Variants in ELOVL6 observed in about 807,000 individuals in gnomAD.
ELOVL6 encodes ELOVL fatty acid elongase 6.
In ELOVL6, 8 loss-of-function variants were observed where a neutral mutation model predicts 31.7. The ratio of observed to expected loss-of-function variants is 0.25; its 90% CI spans 0.15 to 0.45. ELOVL6 has a LOEUF of 0.45. ELOVL6 is among the 20% of genes least tolerant of loss of function. The pLI, the probability that ELOVL6 is intolerant of heterozygous loss-of-function variation, is 1.00. For missense variants in ELOVL6, 126 were observed against 326.4 expected (o/e 0.39, Z 4.73); for synonymous variants, 101 against 117.7 (o/e 0.86, Z 0.92).
chr4:110,139,104 GTAT>G (rs1268953050), intron 1 of ELOVL6, among the ~76,000 whole-genome samples: 1 of 152,030 alleles, frequency 6.6e-6, no homozygotes, highest in Non-Finnish European at 1.5e-5. Flanking sequence ...GAAAAAAGTG[GTAT>G]TATGGGGGAT....
chr4:110,154,732 G>A (rs1217165045), intron 1 of ELOVL6, among the ~76,000 whole-genome samples: 2 of 152,178 alleles, frequency 1.3e-5, no homozygotes, highest in African/African-American at 2.4e-5. Flanking sequence ...TCCCCACTGA[G>A]TTGAGAAGAT....
chr4:110,157,880 G>C (rs1191683639), intron 1 of ELOVL6, among the ~76,000 whole-genome samples: 1 of 152,018 alleles, frequency 6.6e-6, no homozygotes, highest in Non-Finnish European at 1.5e-5. Context: ...ATTAAAAGTA[G>C]GAAATATATA....
At chr4:110,098,667 T>A (rs1353013268) in intron 2 of ELOVL6, among the ~76,000 whole-genome samples, 3 of 152,116 alleles carry the variant, frequency 2.0e-5, no homozygotes, top group African/African-American at 7.2e-5. Flanking sequence ...TATTAACGAG[T>A]TTTTAAAATT....
At chr4:110,115,489 A>G (rs1465525983) in intron 1 of ELOVL6, among the ~76,000 whole-genome samples, 1 of 152,188 alleles carries the variant, frequency 6.6e-6, no homozygotes, top group Non-Finnish European at 1.5e-5. Flanking sequence ...CATGCCTGTA[A>G]TCCCAGCATT....
chr4:110,093,905 T>A (rs572064376), intron 2 of ELOVL6, among the ~76,000 whole-genome samples: 1 of 152,086 alleles, frequency 6.6e-6, no homozygotes, highest in South Asian at 2.1e-4. Flanking sequence ...GAAGGTCTCA[T>A]CAAGGCCAAA....
intron 1 of ELOVL6, among the ~76,000 whole-genome samples, chr4:110,196,880 C>G (rs1196074111): frequency 1.3e-5 from 2 of 152,134 alleles, no homozygotes; most frequent in Non-Finnish European, 2.9e-5. Flanking sequence ...CGCGCTCCGG[C>G]CGGGCGGGAG....
At chr4:110,060,684 T>A (rs1449266768) in intron 2 of ELOVL6, among the ~76,000 whole-genome samples, 2 of 152,104 alleles carry the variant, frequency 1.3e-5, no homozygotes, top group Non-Finnish European at 2.9e-5. Flanking sequence ...TAAGTGTATG[T>A]CCCAGAGTGT....
intron 1 of ELOVL6, among the ~76,000 whole-genome samples, chr4:110,130,107 A>G (rs1757626696): frequency 6.6e-6 from 1 of 152,036 alleles, no homozygotes; most frequent in Non-Finnish European, 1.5e-5. Context: ...CATGTTGGCC[A>G]GGATGGTCTT....
At chr4:110,186,888 T>C (rs1382105299) in intron 1 of ELOVL6, among the ~76,000 whole-genome samples, 1 of 144,058 alleles carries the variant, frequency 6.9e-6, no homozygotes, top group African/African-American at 2.5e-5. Context: ...TACACATATA[T>C]ATATACATAT....
chr4:110,102,738 T>A (rs900598859), intron 2 of ELOVL6, among the ~76,000 whole-genome samples: 9 of 152,088 alleles, frequency 5.9e-5, no homozygotes, highest in African/African-American at 1.7e-4. Flanking sequence ...CTGGCTTTTT[T>A]AAAGACTTAA....
At chr4:110,105,701 C>T in intron 1 of ELOVL6, 73 bp from the exon 2 acceptor site, 1 of 1,414,540 alleles carries the variant, frequency 7.1e-7, no homozygotes, top group South Asian at 1.2e-5. Flanking sequence ...ACCAGTTCTC[C>T]TCTTTGTAAG....
chr4:110,102,343 A>C (rs1318265675), intron 2 of ELOVL6, among the ~76,000 whole-genome samples: 1 of 152,356 alleles, frequency 6.6e-6, no homozygotes, highest in South Asian at 2.1e-4. Context: ...CTGCATGTGC[A>C]TTGCAGGATA....
intron 1 of ELOVL6, among the ~76,000 whole-genome samples, chr4:110,147,894 C>T (rs1449548359): frequency 6.6e-6 from 1 of 151,848 alleles, no homozygotes; most frequent in Non-Finnish European, 1.5e-5. Flanking sequence ...GTGGGTGGAT[C>T]ACCTGAGGTC....
chr4:110,186,822 A>T (rs10006651), intron 1 of ELOVL6, among the ~76,000 whole-genome samples: 18,345 of 58,568 alleles, frequency 0.31, 2,648 homozygotes, highest in Non-Finnish European at 0.34. Flanking sequence ...AAAAAAAAAA[A>T]ATATATATAT....
chr4:110,185,205 C>T (rs1175304224), intron 1 of ELOVL6, among the ~76,000 whole-genome samples: 1 of 152,160 alleles, frequency 6.6e-6, no homozygotes, highest in Admixed American at 6.5e-5. Context: ...TCACAAAATA[C>T]AGGTTCAAAA....
intron 2 of ELOVL6, among the ~76,000 whole-genome samples, chr4:110,092,200 C>A (rs1205121933): frequency 1.3e-5 from 2 of 152,128 alleles, no homozygotes; most frequent in Admixed American, 1.3e-4. Flanking sequence ...ATGTCATATG[C>A]AAAATCAAGT....
At chr4:110,094,854 G>A (rs577463685) in intron 2 of ELOVL6, among the ~76,000 whole-genome samples, 1 of 152,202 alleles carries the variant, frequency 6.6e-6, no homozygotes, top group African/African-American at 2.4e-5. Context: ...GAAGTGACTG[G>A]AAATGATAAT....
chr4:110,142,027 T>C (rs1301827854), intron 1 of ELOVL6, among the ~76,000 whole-genome samples: 1 of 150,198 alleles, frequency 6.7e-6, no homozygotes, highest in African/African-American at 2.4e-5. Context: ...ATCTTTGCAG[T>C]CCAAGGAACT....
At chr4:110,142,233 G>T in intron 1 of ELOVL6, among the ~76,000 whole-genome samples, 1 of 151,664 alleles carries the variant, frequency 6.6e-6, no homozygotes, top group Non-Finnish European at 1.5e-5. Flanking sequence ...ACCACACCAG[G>T]CTAATGTTTT....
Sources: gnomAD v4.1 joint callset for allele counts (sites outside exome capture counted in the v4.1 genomes callset) on GRCh38, gnomAD v4.1.1 for gene constraint, MANE v1.5 for transcripts, NCBI Gene and HGNC (gene_info 2026-07-23, HGNC 2026-07-21) for gene names.